The following SPRY3 variants were observed in gnomAD, a reference collection of about 807,000 sequenced individuals.
SPRY3 encodes the protein protein sprouty homolog 3.
SPRY3 carries 15 observed loss-of-function variants against 20.2 expected under a neutral mutation model. That is an observed-to-expected ratio of 0.74 (90% confidence interval 0.50 to 1.14). The LOEUF (loss-of-function observed/expected upper bound fraction) is 1.14, where lower values mean the gene tolerates loss of function less well. Ranked by LOEUF, SPRY3 falls within the 50% of genes most tolerant of loss-of-function variation. The pLI is 0.00. For synonymous variants in SPRY3, 143 were observed against 136.5 expected (o/e 1.05, Z -0.33); for missense variants, 364 against 363.9 (o/e 1.00, Z 0.00).
chrX:155,744,174 T>C (rs2091215615), intron 2 of SPRY3, among the ~76,000 whole-genome samples: 1 of 152,096 alleles, frequency 6.6e-6, no homozygotes, highest in South Asian at 2.1e-4. Flanking sequence ...AAACATGTAA[T>C]TCAAGGCAGT....
chrX:155,659,952 T>C (rs975439514), intron 2 of SPRY3, among the ~76,000 whole-genome samples: 20 of 111,902 alleles, frequency 1.8e-4, no homozygotes, highest in African/African-American at 4.9e-4. Flanking sequence ...AGTCCATCAA[T>C]TTTGCTTATT....
intron 1 of SPRY3, among the ~76,000 whole-genome samples, chrX:155,646,985 A>C (rs1557351940): frequency 1.8e-5 from 2 of 111,750 alleles, no homozygotes; most frequent in African/African-American, 6.5e-5. Context: ...TAGTGTGTTG[A>C]GCATTGTTAT....
chrX:155,755,666 G>A (rs1265195409), intron 2 of SPRY3, among the ~76,000 whole-genome samples: 2 of 152,022 alleles, frequency 1.3e-5, no homozygotes, highest in Admixed American at 6.6e-5. Flanking sequence ...ATGTCAACCA[G>A]TTGGCATATA....
At chrX:155,764,173 G>C (rs1403023566) in intron 2 of SPRY3, among the ~76,000 whole-genome samples, 1 of 152,124 alleles carries the variant, frequency 6.6e-6, no homozygotes, top group Non-Finnish European at 1.5e-5. Context: ...AGAAGGCATT[G>C]GATTGGGAAA....
At chrX:155,670,114 A>G (rs1276855246) in intron 2 of SPRY3, among the ~76,000 whole-genome samples, 3 of 111,800 alleles carry the variant, frequency 2.7e-5, no homozygotes, top group African/African-American at 9.7e-5. Context: ...TACGGGAGCA[A>G]AAGTAATAAA....
chrX:155,732,805 A>G (rs1354834851), intron 2 of SPRY3, among the ~76,000 whole-genome samples: 1 of 152,096 alleles, frequency 6.6e-6, no homozygotes, highest in Admixed American at 6.6e-5. Flanking sequence ...ACTCTTGAGC[A>G]CTATTCAGCC....
downstream of SPRY3, chrX:155,777,859 G>C (rs1470509559): frequency 1.2e-5 from 2 of 165,984 alleles, no homozygotes; most frequent in Non-Finnish European, 2.9e-5. Context: ...TCCACATATT[G>C]GTTCCTTGAT....
exon 4 of SPRY3, chrX:155,775,485 C>T (rs1322701821): frequency 6.0e-6 from 1 of 167,116 alleles, no homozygotes; most frequent in Non-Finnish European, 1.5e-5. Flanking sequence ...CTATGCTATA[C>T]TATTTACTAA....
At chrX:155,675,316 T>C (rs185972150) in intron 2 of SPRY3, among the ~76,000 whole-genome samples, 20 of 111,188 alleles carry the variant, frequency 1.8e-4, no homozygotes, top group Admixed American at 1.6e-3. Flanking sequence ...TGTCTGTGGA[T>C]TATTTGAGGG....
At chrX:155,764,563 G>A (rs1221653893) in intron 2 of SPRY3, among the ~76,000 whole-genome samples, 3 of 152,158 alleles carry the variant, frequency 2.0e-5, no homozygotes, top group Admixed American at 1.3e-4. Flanking sequence ...TTAATTTAGT[G>A]ATCAGTATGC....
intron 2 of SPRY3, among the ~76,000 whole-genome samples, chrX:155,718,194 G>C (rs2091034654): frequency 6.6e-6 from 1 of 151,864 alleles, no homozygotes; most frequent in Non-Finnish European, 1.5e-5. Context: ...TTTGCTGAAG[G>C]CTTCACTCTG....
chrX:155,613,791 T>C (rs973068214), intron 1 of SPRY3, among the ~76,000 whole-genome samples: 2 of 110,936 alleles, frequency 1.8e-5, no homozygotes, highest in African/African-American at 3.3e-5. Context: ...CTTTCCCAGA[T>C]AAGTTTGTAT....
intron 2 of SPRY3, among the ~76,000 whole-genome samples, chrX:155,697,500 T>TACAC (rs35884004): frequency 4.2e-3 from 407 of 96,658 alleles, no homozygotes; most frequent in African/African-American, 0.015. Flanking sequence ...ATTATACACA[T>TACAC]ACACACACAC....
chrX:155,696,256 C>CAGAGAG (rs1217974455), intron 2 of SPRY3, among the ~76,000 whole-genome samples: 1 of 103,425 alleles, frequency 9.7e-6, no homozygotes. Flanking sequence ...CATATATATA[C>CAGAGAG]AGAGAGAGAG....
intron 2 of SPRY3, among the ~76,000 whole-genome samples, chrX:155,729,333 A>T (rs1345353622): frequency 6.6e-6 from 1 of 152,202 alleles, no homozygotes. Context: ...GGCTTACAAT[A>T]TTCAAAAAAT....
intron 2 of SPRY3, among the ~76,000 whole-genome samples, chrX:155,722,543 G>A: frequency 6.6e-6 from 1 of 151,902 alleles, no homozygotes; most frequent in Non-Finnish European, 1.5e-5. Context: ...ATTAATTAAA[G>A]CAAGAAATTA....
rs372832873 is a variant in SPRY3 at position 155,637,844 on chromosome X, T to C, written c.-440-19023T>C. Among the ~76,000 whole-genome samples the C allele has an allele frequency of 3.1e-4, 34 of 110,955 alleles. 7 individuals are homozygous for C. Among genetic ancestry groups the C allele is most frequent in the South Asian group, 2.3e-3 (6 of 2,620 alleles). On this transcript the variant is annotated intron_variant, in intron 1 of 3. Transcript: ENST00000675360. ...ATGTTAGTTTCCTCTGCTAAAACAA[T>C]TGGTGTGTTTTCTGTCTCCTGACTG...
intron 1 of SPRY3, among the ~76,000 whole-genome samples, chrX:155,653,236 T>TTTTGAA (rs1455497612): frequency 9.0e-5 from 10 of 111,487 alleles, no homozygotes; most frequent in Non-Finnish European, 1.9e-4. Context: ...TGCACTAAGG[T>TTTTGAA]TTTGAATTTT....
chrX:155,764,146 G>T (rs1261887119), intron 2 of SPRY3, among the ~76,000 whole-genome samples: 3 of 152,092 alleles, frequency 2.0e-5, no homozygotes, highest in Admixed American at 6.5e-5. Context: ...TGTCAGCAAG[G>T]TGCCTTAAAA....
Sources: allele counts gnomAD v4.1 joint callset (sites outside exome capture counted in the v4.1 genomes callset), GRCh38; gene constraint gnomAD v4.1.1; transcripts MANE v1.5; gene names NCBI Gene and HGNC (gene_info 2026-07-23, HGNC 2026-07-21).